Variants in ACTN1 observed in about 807,000 individuals in gnomAD.
The protein encoded by ACTN1 is actinin alpha 1.
ACTN1 carries 30 observed loss-of-function variants against 119.6 expected under a neutral mutation model. That is an observed-to-expected ratio of 0.25 (90% CI 0.19 to 0.34). The LOEUF (loss-of-function observed/expected upper bound fraction) is 0.34, where lower values mean the gene tolerates loss of function less well. Ranked by LOEUF, ACTN1 falls within the 10% of genes least tolerant of loss-of-function variation. The probability of loss-of-function intolerance (pLI) is 1.00; values close to 1 mark genes in which losing one functional copy is unlikely to be tolerated. For synonymous variants in ACTN1, 429 were observed against 472.6 expected (o/e 0.91, Z 1.20); for missense variants, 764 against 1,223.4 (o/e 0.62, Z 5.60).
In ACTN1 at chr14:68,882,800, A is replaced by T; in HGVS notation, c.1818+73T>A. The stretch of plus-strand genomic sequence containing the variant: ...GACAATTTTAAATGAAATTGACAAA[A>T]ATCAATTAAAATGGACAAAAATCCC... On this transcript the variant is annotated intron_variant, in intron 15 of 21. Coordinates refer to ENST00000394419, the MANE Select transcript of ACTN1 (RefSeq NM_001130004.2). The surrounding 1 kb of genome is among the most constrained non-coding windows in gnomAD (Gnocchi z 4.5). 9 of 1,566,562 alleles carry T rather than the reference A, an allele frequency of 5.7e-6. No homozygotes were observed. The highest frequency in any genetic ancestry group is 1.8e-5 in the Admixed American group (1 of 56,510).
chr14:68,924,739 G>A (rs1434344292), intron 2 of ACTN1, among the ~76,000 whole-genome samples: 1 of 152,230 alleles, frequency 6.6e-6, no homozygotes, highest in African/African-American at 2.4e-5. Context: ...AACAGTAGGG[G>A]TTAAAAGAAG....
chr14:68,963,081 C>G (rs2140623909), intron 1 of ACTN1, among the ~76,000 whole-genome samples: 1 of 152,200 alleles, frequency 6.6e-6, no homozygotes, highest in East Asian at 1.9e-4. Context: ...TTTTTCTTAC[C>G]TTTGGTTACA....
At position 68,910,014 on chromosome 14, in the gene ACTN1, C is replaced by A. The variant is rs890311076; in HGVS notation, c.456G>T (p.Leu152=). The A allele has an allele frequency of 6.8e-6, 11 of 1,613,932 alleles. No homozygotes were observed. Among genetic ancestry groups the A allele is most frequent in the Non-Finnish European group, 9.3e-6 (11 of 1,179,958 alleles). Residue 152 remains leucine (L), a synonymous_variant, in exon 5 of 22, where the codon CTG becomes CTT. Coordinates refer to ENST00000394419, the MANE Select transcript of ACTN1 (RefSeq NM_001130004.2). ...AAGGGGCTGTCTTTCTCTGACACCA[C>A]AGGAGCAGCCCTTCCTTGGCTGAAG... ...EETSAKEGLL[L]WCQRKTAPYK...
chr14:68,948,315 G>A lies in ACTN1; in HGVS notation c.106-22643C>T, dbSNP rs12431622. Among the ~76,000 whole-genome samples the A allele has an allele frequency of 9.0e-3, 1,371 of 152,302 alleles. 52 individuals carry two copies. Among genetic ancestry groups the A allele is most frequent in the Admixed American group, 0.062 (953 of 15,300 alleles). ...TTCTGGCTGGGTGCGGTGGGCTCAC[G>A]CCTATAATCCCAGCACTTTGGAAGG... On this transcript the variant is annotated intron_variant, in intron 1 of 21. Coordinates refer to ENST00000394419, the MANE Select transcript of ACTN1 (RefSeq NM_001130004.2).
At chr14:68,930,438 C>G (rs1254518547) in intron 1 of ACTN1, among the ~76,000 whole-genome samples, 1 of 152,180 alleles carries the variant, frequency 6.6e-6, no homozygotes, top group East Asian at 1.9e-4. Context: ...TCACACTCTG[C>G]AAGGAGCTGG....
intron 1 of ACTN1, among the ~76,000 whole-genome samples, chr14:68,943,733 A>G (rs1263243207): frequency 6.6e-6 from 1 of 152,194 alleles, no homozygotes; most frequent in Non-Finnish European, 1.5e-5. Context: ...CCCACGAGGC[A>G]TGCGCCATCT....
chr14:68,919,785 T>C (rs2034540814), intron 3 of ACTN1, among the ~76,000 whole-genome samples: 1 of 152,252 alleles, frequency 6.6e-6, no homozygotes, highest in Non-Finnish European at 1.5e-5. Flanking sequence ...ATATAAGCTC[T>C]GTAGCAACTA....
chr14:68,942,137 T>A (rs1044836634), intron 1 of ACTN1, among the ~76,000 whole-genome samples: 2 of 152,052 alleles, frequency 1.3e-5, no homozygotes, highest in Non-Finnish European at 2.9e-5. Flanking sequence ...ACCCCCGGGG[T>A]GGGACTGGAG....
Position 68,936,546 on chromosome 14 carries a change from G to T in ACTN1, c.106-10874C>A, listed in dbSNP as rs1283207776. On this transcript the variant is annotated intron_variant, in intron 1 of 21. Transcript: ENST00000394419. ...GCAAATAAAAGAACAGTCTGTCTAG[G>T]GGGTGGCGGGAGGAACTGTTACGGG... 6.7e-6 allele frequency: 3 copies of T among 448,830 alleles called. No homozygotes were observed. In the Admixed American group the frequency reaches 1.0e-4, roughly 15 times the overall value. The allele number at this position is 448,830 out of a possible 1,614,324, so 27.8% of individuals were successfully genotyped here.
At chr14:68,888,825 G>A (rs2032240689) in intron 11 of ACTN1, among the ~76,000 whole-genome samples, 1 of 152,180 alleles carries the variant, frequency 6.6e-6, no homozygotes, top group Non-Finnish European at 1.5e-5. Context: ...CTGATGATCT[G>A]AAGTAGAACA....
chr14:68,934,303 A>G (rs10147437), intron 1 of ACTN1, among the ~76,000 whole-genome samples: 19,245 of 152,316 alleles, frequency 0.13, 1,774 homozygotes, highest in African/African-American at 0.25. Flanking sequence ...GACTTCCCGT[A>G]AGGGGCAGCG....
chr14:68,935,879 G>A (rs753155156), intron 1 of ACTN1, among the ~76,000 whole-genome samples: 4 of 147,894 alleles, frequency 2.7e-5, no homozygotes, highest in Admixed American at 6.7e-5. Context: ...CCAAACTCAC[G>A]TGCTGGCCAC....
intron 10 of ACTN1, 142 bp from the exon 11 acceptor site, chr14:68,890,428 G>A: frequency 9.9e-7 from 1 of 1,014,576 alleles, no homozygotes; most frequent in Non-Finnish European, 1.4e-6. Flanking sequence ...CCCTAGCCAG[G>A]CTGCCCCACC....
intron 6 of ACTN1, 61 bp from the exon 7 acceptor site, chr14:68,904,797 T>A (rs975886493): frequency 6.8e-7 from 1 of 1,472,410 alleles, no homozygotes; most frequent in Non-Finnish European, 9.5e-7. Context: ...CACTGGCTAC[T>A]CCCAATTGGG....
chr14:68,878,930 C>T lies in ACTN1; in HGVS notation c.2361+59G>A, dbSNP rs12586591. Reference sequence around the variant, plus strand: ...ACAGAGAGAAGAGAAAAAGGAAAAACGCATTATTTCTTGCCCCAGACGCCA... The same window carrying T: ...ACAGAGAGAAGAGAAAAAGGAAAAATGCATTATTTCTTGCCCCAGACGCCA... On this transcript the variant is annotated intron_variant, in intron 19 of 21. Coordinates refer to ENST00000394419, the MANE Select transcript of ACTN1 (RefSeq NM_001130004.2). The surrounding 1 kb of genome is among the most constrained non-coding windows in gnomAD (Gnocchi z 4.4). 341,672 of 1,609,920 alleles carry T rather than the reference C, an allele frequency of 0.21. 38,788 individuals carry two copies. The highest frequency in any genetic ancestry group is 0.41 in the Admixed American group (24,766 of 59,854).
In ACTN1 at chr14:68,936,584, C is replaced by T. The variant is rs553906693; in HGVS notation, c.106-10912G>A. 117 of 518,592 alleles carry T rather than the reference C, an allele frequency of 2.3e-4. No homozygotes were observed. In the Admixed American group the frequency reaches 3.3e-3, roughly 15 times the overall value. The allele number at this position is 518,592 out of a possible 1,614,324, so 32.1% of individuals were successfully genotyped here. A position where few individuals can be genotyped will look rare whatever the true frequency, so the allele number is the denominator to read the frequency against. On this transcript the variant is annotated intron_variant, in intron 1 of 21. Transcript: ENST00000394419. Reference sequence around the variant, plus strand: ...GAACTGTTACGGGAATTGAAGCTGCCGATTAGGCCTAATCAAGATGACAAC... The same window carrying T: ...GAACTGTTACGGGAATTGAAGCTGCTGATTAGGCCTAATCAAGATGACAAC...
intron 3 of ACTN1, among the ~76,000 whole-genome samples, chr14:68,915,496 GGGTAAGAA>G (rs2034242785): frequency 6.6e-6 from 1 of 152,326 alleles, no homozygotes; most frequent in East Asian, 1.9e-4. Flanking sequence ...AGCCCCTTGA[GGGTAAGAA>G]TACTTCCTGT....
At chr14:68,970,361 C>G (rs1010705107) in intron 1 of ACTN1, among the ~76,000 whole-genome samples, 13 of 152,178 alleles carry the variant, frequency 8.5e-5, no homozygotes, top group African/African-American at 3.1e-4. Flanking sequence ...CAACCTAAGT[C>G]CCCCACTCCC....
intron 1 of ACTN1, among the ~76,000 whole-genome samples, chr14:68,960,870 C>G (rs549743086): frequency 6.6e-6 from 1 of 152,010 alleles, no homozygotes; most frequent in East Asian, 1.9e-4. Context: ...ACCAGGAGTT[C>G]GAAACCAGCC....
Sources: gnomAD v4.1 joint callset for allele counts (sites outside exome capture counted in the v4.1 genomes callset) on GRCh38, gnomAD v4.1.1 for gene constraint, Gnocchi (gnomAD v3.1) non-coding constraint, MANE v1.5 for transcripts, NCBI Gene and HGNC (gene_info 2026-07-23, HGNC 2026-07-21) for gene names.